The following PARN variants were observed in gnomAD, a reference collection of about 807,000 sequenced individuals.
The protein encoded by PARN is poly(A)-specific ribonuclease PARN.
In PARN, 71 loss-of-function variants were observed where a neutral mutation model predicts 102.8. That is an observed-to-expected ratio of 0.69 (90% CI 0.57 to 0.84). PARN has a LOEUF of 0.84. Ranked by LOEUF, PARN falls within the 40% of genes least tolerant of loss-of-function variation. The pLI, the probability that PARN is intolerant of heterozygous loss-of-function variation, is 0.00. For synonymous variants in PARN, 261 were observed against 252.9 expected, an observed-to-expected ratio of 1.03 and a Z score of -0.30; for missense variants, 782 against 760.9, an observed-to-expected ratio of 1.03 and a Z score of -0.33.
intron 16 of PARN, 51 bp downstream of exon 16, chr16:14,584,296 A>G (rs1449047547): frequency 1.6e-6 from 2 of 1,274,788 alleles, no homozygotes; most frequent in Admixed American, 3.4e-5. Flanking sequence ...TACAATATAC[A>G]TCAATAATTA....
intron 23 of PARN, among the ~76,000 whole-genome samples, chr16:14,443,693 C>T (rs1008071762): frequency 6.6e-6 from 1 of 152,174 alleles, no homozygotes; most frequent in African/African-American, 2.4e-5. Flanking sequence ...ATCAGTTGTT[C>T]TGGGATTGCT....
intron 21 of PARN, among the ~76,000 whole-genome samples, chr16:14,522,793 C>T (rs1488175995): frequency 1.3e-5 from 2 of 152,144 alleles, no homozygotes; most frequent in Non-Finnish European, 2.9e-5. Context: ...AACCAAAGCT[C>T]CCTGTCCATG....
chr16:14,626,137 G>A (rs1485978090), intron 5 of PARN, among the ~76,000 whole-genome samples: 1 of 151,982 alleles, frequency 6.6e-6, no homozygotes, highest in East Asian at 1.9e-4. Flanking sequence ...TTCCTAATTA[G>A]TGAGCTTGAG....
chr16:14,541,798 T>C (rs142185862), intron 21 of PARN, among the ~76,000 whole-genome samples: 2 of 152,188 alleles, frequency 1.3e-5, no homozygotes, highest in Non-Finnish European at 2.9e-5. Flanking sequence ...GAAATTAAAA[T>C]ACAAATATCA....
chr16:14,573,890 A>C (rs968158635), intron 18 of PARN, among the ~76,000 whole-genome samples: 2 of 152,250 alleles, frequency 1.3e-5, no homozygotes, highest in Non-Finnish European at 1.5e-5. Flanking sequence ...TAAATTGCCC[A>C]GTCTCAGGTA....
At chr16:14,469,274 G>A (rs936533458) in intron 22 of PARN, among the ~76,000 whole-genome samples, 1 of 152,112 alleles carries the variant, frequency 6.6e-6, no homozygotes, top group African/African-American at 2.4e-5. Context: ...AGAGGTTGCA[G>A]CGAGCCAAGA....
chr16:14,507,299 A>G (rs1229601742), intron 21 of PARN, among the ~76,000 whole-genome samples: 3 of 150,196 alleles, frequency 2.0e-5, no homozygotes, highest in African/African-American at 7.3e-5. Flanking sequence ...GCACTCCAGC[A>G]TGGGCAACAA....
At chr16:14,498,832 T>C (rs760691517) in intron 21 of PARN, among the ~76,000 whole-genome samples, 10 of 152,232 alleles carry the variant, frequency 6.6e-5, no homozygotes, top group Non-Finnish European at 1.3e-4. Context: ...GGATAAAGAA[T>C]GAGGATGTTA....
intron 21 of PARN, among the ~76,000 whole-genome samples, chr16:14,492,113 C>T (rs1465601619): frequency 2.6e-5 from 4 of 152,188 alleles, no homozygotes; most frequent in Admixed American, 2.0e-4. Flanking sequence ...CCTTTCATAT[C>T]GTGGGTGTTT....
chr16:14,567,146 G>T (rs558859487), intron 18 of PARN, among the ~76,000 whole-genome samples: 2 of 152,250 alleles, frequency 1.3e-5, no homozygotes, highest in African/African-American at 4.8e-5. Flanking sequence ...AGCCAAAAAC[G>T]AAATAAACAA....
chr16:14,448,165 C>G (rs62037461), intron 22 of PARN, among the ~76,000 whole-genome samples: 1 of 150,348 alleles, frequency 6.7e-6, no homozygotes, highest in Non-Finnish European at 1.5e-5. Context: ...TTTTTTTTCC[C>G]TGAGACAGAG....
intron 21 of PARN, among the ~76,000 whole-genome samples, chr16:14,533,178 C>A (rs1458268173): frequency 6.6e-6 from 1 of 152,210 alleles, no homozygotes; most frequent in East Asian, 1.9e-4. Flanking sequence ...CCGAGGCTGG[C>A]GGATCACTCG....
intron 21 of PARN, among the ~76,000 whole-genome samples, chr16:14,529,492 T>C (rs1160928953): frequency 2.0e-5 from 3 of 152,138 alleles, no homozygotes; most frequent in Admixed American, 2.0e-4. Context: ...TGGCTACTGC[T>C]CCACTTCTGG....
chr16:14,527,237 G>A (rs538842036), intron 21 of PARN, among the ~76,000 whole-genome samples: 1 of 152,312 alleles, frequency 6.6e-6, no homozygotes, highest in South Asian at 2.1e-4. Flanking sequence ...AGTTTTACCT[G>A]ACGACATGAT....
chr16:14,557,472 G>A (rs1332157360), intron 18 of PARN, among the ~76,000 whole-genome samples: 7 of 150,322 alleles, frequency 4.7e-5, no homozygotes, highest in Non-Finnish European at 8.8e-5. Context: ...CAGGAGAATC[G>A]CTTGAACCAT....
At chr16:14,555,133 C>T (rs1450440831) in intron 19 of PARN, among the ~76,000 whole-genome samples, 3 of 152,134 alleles carry the variant, frequency 2.0e-5, no homozygotes, top group Non-Finnish European at 2.9e-5. Context: ...CCACTTCCAC[C>T]TGCCAGTGAC....
At chr16:14,479,255 C>A (rs1963248678) in intron 22 of PARN, among the ~76,000 whole-genome samples, 1 of 151,824 alleles carries the variant, frequency 6.6e-6, no homozygotes, top group African/African-American at 2.4e-5. Flanking sequence ...CTTGTCTCTA[C>A]AAAAAAATTT....
At position 14,465,460 on chromosome 16, in the gene PARN, A is replaced by G. The variant is rs559897544; in HGVS notation, c.1670+17178T>C. On this transcript the variant is annotated intron_variant, in intron 22 of 23. Transcript: ENST00000437198. ...TATAACAATGTTGCATGCTGTTAAT[A>G]ACATATAAATGTTATTAACACTAAT... Among the ~76,000 whole-genome samples the G allele has an allele frequency of 2.0e-5, 3 of 152,334 alleles. No homozygotes were observed. The East Asian group carries it at 5.8e-4, about 29-fold the overall frequency.
chr16:14,587,935 C>CA (rs1259469253), intron 13 of PARN, among the ~76,000 whole-genome samples: 1 of 152,210 alleles, frequency 6.6e-6, no homozygotes, highest in Admixed American at 6.5e-5. Flanking sequence ...TAACTGCTTA[C>CA]ACGCAATGTG....
Sources: gnomAD v4.1 joint callset for allele counts (sites outside exome capture counted in the v4.1 genomes callset) on GRCh38, gnomAD v4.1.1 for gene constraint, MANE v1.5 for transcripts, NCBI Gene and HGNC (gene_info 2026-07-23, HGNC 2026-07-21) for gene names.